The following CEP70 variants were observed in gnomAD, a reference collection of about 807,000 sequenced individuals.
CEP70 encodes centrosomal protein 70.
A neutral mutation model predicts 90.9 loss-of-function variants in CEP70; 70 were observed. The observed-to-expected ratio is 0.77, with a 90% CI of 0.64 to 0.94. The LOEUF (loss-of-function observed/expected upper bound fraction) is 0.94, where lower values mean the gene tolerates loss of function less well. Among genes scored for constraint, CEP70 ranks in the 40% least tolerant of loss-of-function variants. The probability of loss-of-function intolerance (pLI) is 0.00; values close to 1 mark genes in which losing one functional copy is unlikely to be tolerated. For missense variants in CEP70, 648 were observed against 669.0 expected, an observed-to-expected ratio of 0.97 and a Z score of 0.35; for synonymous variants, 220 against 228.3, an observed-to-expected ratio of 0.96 and a Z score of 0.33.
At chr3:138,566,575 C>T (rs1203066825) in intron 6 of CEP70, among the ~76,000 whole-genome samples, 1 of 152,074 alleles carries the variant, frequency 6.6e-6, no homozygotes, top group African/African-American at 2.4e-5. Context: ...AAACCAAACA[C>T]TGCACATTCT....
rs1346048491 is a variant in CEP70 at position 138,508,525 on chromosome 3, G to T, written c.964C>A (p.His322Asn). ...KNVKLQELIN[H>N]KKAEDTEKKD... is the part of the protein sequence containing the mutation. The stretch of plus-strand genomic sequence containing the variant: ...TTCTCTGTGTCCTCAGCCTTCTTAT[G>T]ATTAATAAGCTCCTGTAATCTAAAA... The change falls in exon 12 of 18, where the codon CAT becomes AAT. Residue 322 changes from histidine (H) to asparagine (N), a missense_variant. Transcript: ENST00000264982. The T allele has an allele frequency of 6.2e-7, 1 of 1,606,756 alleles. No individual in the cohort carries two copies. Among genetic ancestry groups the T allele is most frequent in the Non-Finnish European group, 8.5e-7 (1 of 1,173,784 alleles).
At chr3:138,543,723 G>A (rs910143354) in intron 6 of CEP70, among the ~76,000 whole-genome samples, 1 of 152,168 alleles carries the variant, frequency 6.6e-6, no homozygotes, top group Admixed American at 6.5e-5. Context: ...AGGATAGCTT[G>A]AGCCTGGGAA....
chr3:138,585,622 T>C (rs1370842634), intron 2 of CEP70, among the ~76,000 whole-genome samples: 2 of 152,078 alleles, frequency 1.3e-5, no homozygotes, highest in Non-Finnish European at 2.9e-5. Context: ...AGGAATCACA[T>C]TAACTGACTT....
intron 11 of CEP70, among the ~76,000 whole-genome samples, chr3:138,518,893 G>C (rs2036324299): frequency 1.3e-5 from 2 of 152,124 alleles, no homozygotes; most frequent in Admixed American, 6.5e-5. Context: ...CGAGCTAAAG[G>C]AGGAAGTTTG....
At chr3:138,522,366 T>A in intron 11 of CEP70, among the ~76,000 whole-genome samples, 1 of 141,318 alleles carries the variant, frequency 7.1e-6, no homozygotes. Context: ...AAGAAATAAC[T>A]AAGATCAGAG....
Position 138,537,245 on chromosome 3 carries a change from T to A in CEP70, c.568A>T (p.Ile190Phe). 1.2e-6 allele frequency: 2 copies of A among 1,608,120 alleles called. No homozygotes were observed. The highest frequency in any genetic ancestry group is 1.7e-6 in the Non-Finnish European group (2 of 1,177,554). Residue 190 changes from isoleucine (I) to phenylalanine (F), a missense_variant, in exon 7 of 18, where the codon ATT (isoleucine) becomes TTT (phenylalanine). Transcript: ENST00000264982. ...CRLKKEEEDR[I>F]VTQNRVFAYL... is the part of the protein sequence containing the mutation. ...GCAAACACTCTGTTTTGAGTGACAA[T>A]GCGATCTTCTTCCTCCTTTTTTAAT...
chr3:138,510,662 T>C lies in CEP70; in HGVS notation c.945-2118A>G, dbSNP rs144542826. On this transcript the variant is annotated intron_variant, in intron 11 of 17. Transcript: ENST00000264982. ...GGTTGAAGTCCCAGCAGGAAACTGA[T>C]GGCATACTCAAATTGAAGAGGGGTA... Among the ~76,000 whole-genome samples, 1,103 of 152,214 alleles carry C rather than the reference T, an allele frequency of 7.2e-3. 13 individuals carry two copies. The highest frequency in any genetic ancestry group is 0.025 in the African/African-American group (1,050 of 41,538).
chr3:138,510,203 C>A (rs2035392752), intron 11 of CEP70, among the ~76,000 whole-genome samples: 1 of 149,978 alleles, frequency 6.7e-6, no homozygotes, highest in Non-Finnish European at 1.5e-5. Context: ...CACCTGAGGT[C>A]AGGAGATTGA....
chr3:138,500,189 C>T lies in CEP70; in HGVS notation c.1573G>A (p.Val525Ile). Residue 525 changes from valine to isoleucine, a missense_variant, in exon 16 of 18, where the codon GTT becomes ATT. Val to Ile is a conservative substitution (Grantham distance 29). Transcript: ENST00000264982. Reference sequence around the variant, plus strand: ...TTAATCAGCCTACAGAGTTTTCCAACAGTGCTTACTAGCACACACAATGAG... The same window carrying T: ...TTAATCAGCCTACAGAGTTTTCCAATAGTGCTTACTAGCACACACAATGAG... ...SSSLCVLVST[V>I]GKLCRLINED... 1 of 1,613,558 alleles carries T rather than the reference C, an allele frequency of 6.2e-7. No homozygotes were observed. Among genetic ancestry groups the T allele is most frequent in the Non-Finnish European group, 8.5e-7 (1 of 1,179,442 alleles).
chr3:138,545,519 C>T (rs1195852137), intron 6 of CEP70, among the ~76,000 whole-genome samples: 1 of 152,056 alleles, frequency 6.6e-6, no homozygotes, highest in Non-Finnish European at 1.5e-5. Context: ...ATCAGTGCAC[C>T]TTGAAAAAGA....
At chr3:138,523,327 C>A (rs1288455178) in intron 11 of CEP70, among the ~76,000 whole-genome samples, 2 of 152,148 alleles carry the variant, frequency 1.3e-5, no homozygotes, top group African/African-American at 4.8e-5. Flanking sequence ...GACAGGGATG[C>A]CCTCTCTCAC....
chr3:138,591,421 T>C (rs2042378436), intron 2 of CEP70, among the ~76,000 whole-genome samples: 1 of 152,156 alleles, frequency 6.6e-6, no homozygotes, highest in Non-Finnish European at 1.5e-5. Flanking sequence ...AGGTAAGGGA[T>C]ACTCAACCTG....
rs60371967 is a variant in CEP70, at chr3:138,496,673, C to A, written c.1732+1358G>T. 0.033 allele frequency: 32,506 copies of A among 985,000 alleles called. 1,488 individuals are homozygous for A. In the East Asian group the frequency reaches 0.38, roughly 11 times the overall value. The allele number at this position is 985,000 out of a possible 1,614,324, so 61.0% of individuals were successfully genotyped here. ...CCATGTCTGTTACTCAGTATGCCAC[C>A]CTGCACCTACATGCTTAGTGACACC... is the stretch of plus-strand genomic sequence containing the variant. On this transcript the variant is annotated intron_variant, in intron 17 of 17. Transcript: ENST00000264982.
At chr3:138,509,659 G>C (rs942538145) in intron 11 of CEP70, among the ~76,000 whole-genome samples, 1 of 152,048 alleles carries the variant, frequency 6.6e-6, no homozygotes, top group Non-Finnish European at 1.5e-5. Flanking sequence ...AATATTAAAA[G>C]GAAAATTCCA....
chr3:138,504,943 A>C (rs998365126), intron 13 of CEP70, among the ~76,000 whole-genome samples: 1 of 152,170 alleles, frequency 6.6e-6, no homozygotes, highest in Admixed American at 6.6e-5. Context: ...AAATCGCAGC[A>C]TGGAGATATG....
At chr3:138,560,704 T>C (rs904544285) in intron 6 of CEP70, among the ~76,000 whole-genome samples, 2 of 152,116 alleles carry the variant, frequency 1.3e-5, no homozygotes, top group Non-Finnish European at 2.9e-5. Flanking sequence ...CGTCCACCAC[T>C]GCTGAGGCTT....
intron 2 of CEP70, among the ~76,000 whole-genome samples, chr3:138,583,880 T>A (rs1169379669): frequency 6.6e-6 from 1 of 151,616 alleles, no homozygotes; most frequent in Non-Finnish European, 1.5e-5. Context: ...CCTAATGAAC[T>A]AGAACTAGAA....
At chr3:138,517,441 G>A (rs1035723846) in intron 11 of CEP70, among the ~76,000 whole-genome samples, 26 of 147,860 alleles carry the variant, frequency 1.8e-4, no homozygotes, top group Admixed American at 1.3e-3. Context: ...AGGCAGAGGC[G>A]GGTGGATCAC....
Position 138,495,801 on chromosome 3 carries a change from G to T in CEP70, c.1733-725C>A, listed in dbSNP as rs981284244. The T allele has an allele frequency of 1.1e-5, 9 of 799,712 alleles. No homozygotes were observed. The Admixed American group carries it at 4.4e-4, about 39-fold the overall frequency. 49.5% of individuals were successfully genotyped at this position (799,712 alleles called of 1,614,324 possible). On this transcript the variant is annotated intron_variant, in intron 17 of 17. Coordinates refer to ENST00000264982, the MANE Select transcript of CEP70 (RefSeq NM_024491.4). ...CCAGAGGCAGAGGTTGCAGTGAGCT[G>T]AGATTGCGTCACTGCACTCTGGCCT...
Sources: gnomAD v4.1 joint callset for allele counts (sites outside exome capture counted in the v4.1 genomes callset) on GRCh38, gnomAD v4.1.1 for gene constraint, MANE v1.5 for transcripts, NCBI Gene and HGNC (gene_info 2026-07-23, HGNC 2026-07-21) for gene names.